WFDC1: variants seen among roughly 807,000 people sequenced by gnomAD.
WFDC1 encodes WAP four-disulfide core domain protein 1.
WFDC1 carries 39 observed loss-of-function variants against 32.9 expected under a neutral mutation model. The observed-to-expected ratio is 1.19, with a 90% CI of 0.92 to 1.55. The LOEUF (loss-of-function observed/expected upper bound fraction) is 1.55. Ranked by LOEUF, WFDC1 falls within the 40% of genes most tolerant of loss-of-function variation. The pLI is 0.00. For synonymous variants in WFDC1, 184 were observed against 137.4 expected, an observed-to-expected ratio of 1.34 and a Z score of -2.37; for missense variants, 386 against 309.5, an observed-to-expected ratio of 1.25 and a Z score of -1.85.
intron 4 of WFDC1, among the ~76,000 whole-genome samples, chr16:84,323,989 G>A (rs992663996): frequency 3.3e-5 from 5 of 152,126 alleles, no homozygotes; most frequent in East Asian, 1.9e-4. Flanking sequence ...GTGTGGTGGC[G>A]CATGCCTGTA....
chr16:84,304,912 C>T (rs1469942424), intron 1 of WFDC1, among the ~76,000 whole-genome samples: 1 of 152,160 alleles, frequency 6.6e-6, no homozygotes, highest in African/African-American at 2.4e-5. Flanking sequence ...GAGAGAGCCC[C>T]TGGACTGAAA....
chr16:84,307,538 A>G (rs1394059205), intron 1 of WFDC1, among the ~76,000 whole-genome samples: 1 of 152,080 alleles, frequency 6.6e-6, no homozygotes, highest in Non-Finnish European at 1.5e-5. Flanking sequence ...GCACAGCTCA[A>G]ATTGATCTCT....
At chr16:84,325,724 A>C (rs972607575) in intron 5 of WFDC1, 1 of 151,650 alleles carries the variant, frequency 6.6e-6, no homozygotes, top group Non-Finnish European at 1.5e-5. Flanking sequence ...TCATTCTTCC[A>C]TCTATCCATC....
intron 1 of WFDC1, among the ~76,000 whole-genome samples, chr16:84,307,831 G>A (rs1043039387): frequency 1.3e-5 from 2 of 152,336 alleles, no homozygotes; most frequent in African/African-American, 4.8e-5. Context: ...TCTGCAGCAA[G>A]TGAACTGAGA....
At chr16:84,327,594 A>G (rs1476846283) in intron 6 of WFDC1, 1 of 152,236 alleles carries the variant, frequency 6.6e-6, no homozygotes, top group East Asian at 1.9e-4. Flanking sequence ...TAAGCTATCC[A>G]TGATGTTAAA....
intron 1 of WFDC1, among the ~76,000 whole-genome samples, chr16:84,299,689 C>G (rs986719842): frequency 6.6e-6 from 1 of 152,220 alleles, no homozygotes; most frequent in Non-Finnish European, 1.5e-5. Context: ...CTATGCAGCC[C>G]CTGGCCTGGG....
chr16:84,301,214 C>A (rs1906912195), intron 1 of WFDC1, among the ~76,000 whole-genome samples: 2 of 152,200 alleles, frequency 1.3e-5, no homozygotes, highest in African/African-American at 4.8e-5. Flanking sequence ...AGCCTTCTGG[C>A]TTCCAGAACT....
intron 1 of WFDC1, among the ~76,000 whole-genome samples, chr16:84,299,093 G>T (rs1000102476): frequency 1.3e-5 from 2 of 152,166 alleles, no homozygotes; most frequent in Admixed American, 6.5e-5. Context: ...GCTCACAGTG[G>T]CTCATGCCTG....
chr16:84,313,236 G>C (rs1440153212), intron 2 of WFDC1, 83 bp downstream of exon 2: 4 of 1,283,018 alleles, frequency 3.1e-6, no homozygotes, highest in Non-Finnish European at 4.0e-6. Flanking sequence ...GAAAGGAGCT[G>C]GGCTTAAAGC....
intron 1 of WFDC1, among the ~76,000 whole-genome samples, chr16:84,298,186 CA>C (rs1906723329): frequency 1.3e-5 from 2 of 151,936 alleles, no homozygotes; most frequent in Admixed American, 1.3e-4. Flanking sequence ...TGGTTCACTA[CA>C]ACCTCCACCT....
At chr16:84,315,056 T>A (rs1907868392) in intron 2 of WFDC1, among the ~76,000 whole-genome samples, 1 of 152,354 alleles carries the variant, frequency 6.6e-6, no homozygotes, top group Middle Eastern at 3.4e-3. Context: ...ACCTGCAGTT[T>A]CCATCCAGTT....
chr16:84,321,688 C>A (rs1028545725), intron 4 of WFDC1, among the ~76,000 whole-genome samples: 4 of 152,194 alleles, frequency 2.6e-5, no homozygotes, highest in Non-Finnish European at 5.9e-5. Flanking sequence ...GGTGACCACA[C>A]CAGTGATGCC....
chr16:84,311,761 C>T (rs1228457380), intron 1 of WFDC1, among the ~76,000 whole-genome samples: 1 of 132,516 alleles, frequency 7.5e-6, no homozygotes, highest in Non-Finnish European at 1.6e-5. Context: ...GGTCTCAAAA[C>T]TTCTGAGCTC....
At chr16:84,311,139 G>A (rs901564733) in intron 1 of WFDC1, among the ~76,000 whole-genome samples, 1 of 152,102 alleles carries the variant, frequency 6.6e-6, no homozygotes, top group African/African-American at 2.4e-5. Context: ...TGGTGTCAGG[G>A]GACCCAGGGC....
intron 6 of WFDC1, 128 bp downstream of exon 6, chr16:84,327,083 A>G: frequency 2.2e-6 from 2 of 894,218 alleles, no homozygotes; most frequent in Non-Finnish European, 3.5e-6. Context: ...AGAATTTGAA[A>G]TTCCCTTCTG....
chr16:84,301,877 A>G (rs1461369321), intron 1 of WFDC1, among the ~76,000 whole-genome samples: 1 of 152,196 alleles, frequency 6.6e-6, no homozygotes, highest in African/African-American at 2.4e-5. Context: ...ATCAACGAGT[A>G]AAGAAGCATC....
At chr16:84,311,173 T>C (rs1271257314) in intron 1 of WFDC1, among the ~76,000 whole-genome samples, 1 of 152,058 alleles carries the variant, frequency 6.6e-6, no homozygotes, top group Non-Finnish European at 1.5e-5. Context: ...GCTTAAACTT[T>C]CTCGGTCTTA....
intron 6 of WFDC1, chr16:84,328,796 T>G (rs1908753321): frequency 8.0e-6 from 1 of 124,702 alleles, no homozygotes; most frequent in African/African-American, 2.6e-5. Flanking sequence ...CAAAAAAAAA[T>G]ACAAAACTAC....
chr16:84,321,344 C>T (rs930810232), intron 4 of WFDC1, among the ~76,000 whole-genome samples: 24 of 152,254 alleles, frequency 1.6e-4, no homozygotes, highest in Non-Finnish European at 3.1e-4. Context: ...TCAATCCTGC[C>T]GTGGGTGGGT....
Sources: gnomAD v4.1 joint callset for allele counts (sites outside exome capture counted in the v4.1 genomes callset) on GRCh38, gnomAD v4.1.1 for gene constraint, MANE v1.5 for transcripts, NCBI Gene and HGNC (gene_info 2026-07-23, HGNC 2026-07-21) for gene names.